Variants in SNTG2 observed in about 807,000 individuals in gnomAD.
The protein encoded by SNTG2 is gamma-2-syntrophin.
SNTG2 carries 74 observed loss-of-function variants against 70.9 expected under a neutral mutation model. The ratio of observed to expected loss-of-function variants is 1.04; its 90% confidence interval spans 0.86 to 1.27. The LOEUF (loss-of-function observed/expected upper bound fraction) is 1.27, where lower values mean the gene tolerates loss of function less well. SNTG2 is among the 50% of genes most tolerant of loss of function. The pLI, the probability that SNTG2 is intolerant of heterozygous loss-of-function variation, is 0.00. For synonymous variants in SNTG2, 278 were observed against 273.8 expected (o/e 1.02, Z -0.15); for missense variants, 717 against 690.7 (o/e 1.04, Z -0.43).
At chr2:1,142,575 C>G (rs1039122528) in intron 6 of SNTG2, among the ~76,000 whole-genome samples, 1 of 152,186 alleles carries the variant, frequency 6.6e-6, no homozygotes, top group Non-Finnish European at 1.5e-5. Flanking sequence ...ACTTCCATAA[C>G]CCTTTGAATT....
At chr2:1,086,632 C>T (rs1305823127) in intron 2 of SNTG2, among the ~76,000 whole-genome samples, 1 of 152,200 alleles carries the variant, frequency 6.6e-6, no homozygotes, top group Non-Finnish European at 1.5e-5. Flanking sequence ...AGGCCTCAGG[C>T]CACTGCCAAG....
At chr2:1,320,071 C>T (rs1681449525) in intron 16 of SNTG2, among the ~76,000 whole-genome samples, 1 of 152,124 alleles carries the variant, frequency 6.6e-6, no homozygotes, top group Non-Finnish European at 1.5e-5. Flanking sequence ...AACCATGAAA[C>T]AAGTTTCCTT....
chr2:1,137,207 C>T (rs1032937218), intron 4 of SNTG2, among the ~76,000 whole-genome samples: 1 of 152,152 alleles, frequency 6.6e-6, no homozygotes, highest in African/African-American at 2.4e-5. Flanking sequence ...TGCACACACA[C>T]ATCCATGGCA....
intron 14 of SNTG2, 72 bp downstream of exon 14, chr2:1,267,643 T>C: frequency 7.6e-7 from 1 of 1,322,398 alleles, no homozygotes; most frequent in South Asian, 1.2e-5. Context: ...GGGGAATATG[T>C]AGCAGTTTAT....
chr2:1,106,120 A>G, intron 4 of SNTG2, among the ~76,000 whole-genome samples: 1 of 129,942 alleles, frequency 7.7e-6, no homozygotes, highest in Non-Finnish European at 1.6e-5. Flanking sequence ...CCTTGGTAAT[A>G]GTGGACACCT....
intron 4 of SNTG2, among the ~76,000 whole-genome samples, chr2:1,119,883 A>G (rs1667274473): frequency 6.6e-6 from 1 of 152,170 alleles, no homozygotes; most frequent in South Asian, 2.1e-4. Context: ...TTCCTTTTCT[A>G]TCAATAATCA....
chr2:1,064,091 C>T (rs1417183331), intron 1 of SNTG2, among the ~76,000 whole-genome samples: 1 of 149,478 alleles, frequency 6.7e-6, no homozygotes, highest in African/African-American at 2.4e-5. Context: ...AGACAGCCAA[C>T]TTCTTAGAAA....
intron 14 of SNTG2, among the ~76,000 whole-genome samples, chr2:1,274,565 A>G (rs7556710): frequency 0.3 from 45,839 of 150,878 alleles, 7,886 homozygotes; most frequent in African/African-American, 0.47. Flanking sequence ...CTAAGAACTT[A>G]CCCTTCCACC....
chr2:1,196,913 T>C (rs2147955137), intron 8 of SNTG2, among the ~76,000 whole-genome samples: 1 of 152,248 alleles, frequency 6.6e-6, no homozygotes, highest in East Asian at 1.9e-4. Context: ...GGACCACATC[T>C]ACCATCATGA....
intron 1 of SNTG2, among the ~76,000 whole-genome samples, chr2:1,045,678 G>A (rs1661695096): frequency 6.6e-6 from 1 of 152,072 alleles, no homozygotes; most frequent in Non-Finnish European, 1.5e-5. Flanking sequence ...TTCAGTGTAA[G>A]TGTATGGTTT....
intron 1 of SNTG2, among the ~76,000 whole-genome samples, chr2:1,010,548 G>A (rs1558308664): frequency 6.6e-6 from 1 of 152,184 alleles, no homozygotes; most frequent in Non-Finnish European, 1.5e-5. Context: ...GTTGGAATAC[G>A]GCCAACAGGA....
chr2:1,310,699 C>T (rs1680941890), intron 15 of SNTG2, among the ~76,000 whole-genome samples: 1 of 152,106 alleles, frequency 6.6e-6, no homozygotes, highest in Non-Finnish European at 1.5e-5. Flanking sequence ...TCTCCGGAGC[C>T]TTTTCCCATT....
chr2:1,198,771 T>C (rs763432587), intron 8 of SNTG2, among the ~76,000 whole-genome samples: 6 of 151,874 alleles, frequency 4.0e-5, no homozygotes, highest in Non-Finnish European at 8.8e-5. Flanking sequence ...TGCTAGCAAA[T>C]TGGAAAACAG....
At chr2:1,127,938 T>C (rs994329121) in intron 4 of SNTG2, among the ~76,000 whole-genome samples, 1 of 152,162 alleles carries the variant, frequency 6.6e-6, no homozygotes, top group Non-Finnish European at 1.5e-5. Context: ...AACTTGGATG[T>C]CCTTTATTTA....
chr2:1,148,294 C>T lies in SNTG2; in HGVS notation c.411+10485C>T, dbSNP rs182179688. 2.4e-3 allele frequency among the ~76,000 whole-genome samples: 368 copies of T among 152,274 alleles called. 2 individuals carry two copies. Among genetic ancestry groups the T allele is most frequent in the Non-Finnish European group, 3.3e-3 (225 of 68,020 alleles). The stretch of plus-strand genomic sequence containing the variant: ...TATTTCCCACATGGAGAAGAGAGGG[C>T]CTGGCCCACTCCTTATTTCTCACAT... On this transcript the variant is annotated intron_variant, in intron 6 of 16. Transcript: ENST00000308624.
chr2:1,301,446 C>T (rs995890278), intron 14 of SNTG2, among the ~76,000 whole-genome samples: 1 of 152,130 alleles, frequency 6.6e-6, no homozygotes, highest in African/African-American at 2.4e-5. Context: ...CTCAAACTTC[C>T]CCACATTGGC....
intron 16 of SNTG2, among the ~76,000 whole-genome samples, chr2:1,358,678 T>C (rs1660981339): frequency 6.6e-6 from 1 of 152,192 alleles, no homozygotes. Context: ...CTTCTGCTAT[T>C]GATTTCTAGC....
chr2:1,090,304 A>G (rs1293680884), intron 2 of SNTG2, among the ~76,000 whole-genome samples: 1 of 152,204 alleles, frequency 6.6e-6, no homozygotes, highest in Non-Finnish European at 1.5e-5. Context: ...TATTACCAAC[A>G]TATTTATTTT....
At chr2:1,063,446 C>G (rs1480703543) in intron 1 of SNTG2, among the ~76,000 whole-genome samples, 1 of 152,142 alleles carries the variant, frequency 6.6e-6, no homozygotes, top group African/African-American at 2.4e-5. Flanking sequence ...AGTTCCCTCT[C>G]AGGCACAGCT....
Sources: allele counts gnomAD v4.1 joint callset (sites outside exome capture counted in the v4.1 genomes callset), GRCh38; gene constraint gnomAD v4.1.1; transcripts MANE v1.5; gene names NCBI Gene and HGNC (gene_info 2026-07-23, HGNC 2026-07-21).